Variants in BMERB1 observed in about 807,000 individuals in gnomAD.
BMERB1 encodes the protein bMERB domain containing 1.
BMERB1 carries 12 observed loss-of-function variants against 23.6 expected under a neutral mutation model. The ratio of observed to expected loss-of-function variants is 0.51; its 90% CI spans 0.33 to 0.82. The LOEUF is 0.82. BMERB1 is among the 40% of genes least tolerant of loss of function. BMERB1 has a pLI of 0.03. For missense variants in BMERB1, 247 were observed against 255.4 expected, an observed-to-expected ratio of 0.97 and a Z score of 0.22; for synonymous variants, 122 against 96.6, an observed-to-expected ratio of 1.26 and a Z score of -1.54.
At chr16:15,535,548 G>T (rs990044457) in intron 2 of BMERB1, among the ~76,000 whole-genome samples, 3 of 151,492 alleles carry the variant, frequency 2.0e-5, no homozygotes, top group Admixed American at 1.3e-4. Flanking sequence ...TGCTCAGGAG[G>T]CTGAGGCAGG....
intron 1 of BMERB1, among the ~76,000 whole-genome samples, chr16:15,483,990 C>T (rs1310799326): frequency 6.6e-6 from 1 of 151,984 alleles, no homozygotes; most frequent in African/African-American, 2.4e-5. Context: ...GGTGAGGGGC[C>T]CAAGAATCTT....
chr16:15,477,444 A>G (rs2150933960), intron 1 of BMERB1, among the ~76,000 whole-genome samples: 1 of 152,242 alleles, frequency 6.6e-6, no homozygotes, highest in South Asian at 2.1e-4. Flanking sequence ...CATATCAGCA[A>G]CATAGTGAGA....
intron 2 of BMERB1, among the ~76,000 whole-genome samples, chr16:15,561,707 A>G (rs2030427014): frequency 6.6e-6 from 1 of 152,182 alleles, no homozygotes. Context: ...ATCTTGGCCA[A>G]CATGGCAAGA....
chr16:15,480,305 G>A (rs2051308798), intron 1 of BMERB1, among the ~76,000 whole-genome samples: 1 of 151,618 alleles, frequency 6.6e-6, no homozygotes, highest in Non-Finnish European at 1.5e-5. Flanking sequence ...TAGTAGAGAC[G>A]GGGATTCACC....
chr16:15,466,786 T>C (rs772717128), intron 1 of BMERB1, among the ~76,000 whole-genome samples: 81 of 152,118 alleles, frequency 5.3e-4, no homozygotes, highest in Non-Finnish European at 2.1e-4. Context: ...TGTGTGACTA[T>C]CAACAAAGTC....
intron 2 of BMERB1, among the ~76,000 whole-genome samples, chr16:15,534,423 A>G (rs1025933376): frequency 6.6e-6 from 1 of 151,930 alleles, no homozygotes; most frequent in Non-Finnish European, 1.5e-5. Flanking sequence ...GTGTGGAGGT[A>G]CATGCCTGTA....
intron 3 of BMERB1, among the ~76,000 whole-genome samples, chr16:15,573,860 G>A (rs1001196358): frequency 6.7e-6 from 1 of 148,408 alleles, no homozygotes; most frequent in South Asian, 2.1e-4. Flanking sequence ...CATGGTGGAA[G>A]GTCAAGGAGA....
chr16:15,493,610 A>T (rs1156998844), intron 1 of BMERB1, among the ~76,000 whole-genome samples: 1 of 151,260 alleles, frequency 6.6e-6, no homozygotes, highest in Non-Finnish European at 1.5e-5. Flanking sequence ...CCATGATCTG[A>T]CTCTCCCTCT....
intron 1 of BMERB1, among the ~76,000 whole-genome samples, chr16:15,485,590 A>G (rs1326102264): frequency 6.6e-6 from 1 of 152,088 alleles, no homozygotes; most frequent in Admixed American, 6.6e-5. Context: ...CATTCTGGTC[A>G]TTTCAGTAAT....
At chr16:15,568,725 A>G (rs1022036038) in intron 3 of BMERB1, among the ~76,000 whole-genome samples, 1 of 152,210 alleles carries the variant, frequency 6.6e-6, no homozygotes, top group Non-Finnish European at 1.5e-5. Context: ...TTTGGCCTCA[A>G]GAGTCCAGTA....
chr16:15,511,424 C>T (rs1164585629), intron 1 of BMERB1, among the ~76,000 whole-genome samples: 1 of 152,158 alleles, frequency 6.6e-6, no homozygotes, highest in Non-Finnish European at 1.5e-5. Context: ...TCTCCAATTT[C>T]ATGTTTTTCC....
At chr16:15,531,475 A>G (rs1373998283) in intron 2 of BMERB1, among the ~76,000 whole-genome samples, 1 of 152,174 alleles carries the variant, frequency 6.6e-6, no homozygotes, top group Non-Finnish European at 1.5e-5. Flanking sequence ...TCTTCAGTCT[A>G]CCATATTGAG....
chr16:15,444,738 G>A (rs1366758852), intron 1 of BMERB1, among the ~76,000 whole-genome samples: 2 of 152,144 alleles, frequency 1.3e-5, no homozygotes, highest in Non-Finnish European at 2.9e-5. Context: ...TATAAGTGTG[G>A]GCTTTCGAGA....
chr16:15,494,790 A>C (rs1274315183), intron 1 of BMERB1, among the ~76,000 whole-genome samples: 2 of 151,296 alleles, frequency 1.3e-5, no homozygotes, highest in Admixed American at 1.3e-4. Flanking sequence ...ACCTCTCCTT[A>C]TTCCAGAAAG....
At chr16:15,583,133 C>A (rs375156002) in intron 4 of BMERB1, 23 bp from the exon 5 acceptor site, 42 of 1,564,256 alleles carry the variant, frequency 2.7e-5, no homozygotes, top group Non-Finnish European at 3.3e-5. Flanking sequence ...ATCTTCTTTT[C>A]TTTTACCCAT....
chr16:15,582,007 T>A (rs761196421), intron 4 of BMERB1, among the ~76,000 whole-genome samples: 9 of 152,252 alleles, frequency 5.9e-5, no homozygotes, highest in Non-Finnish European at 1.2e-4. Flanking sequence ...GAGACCTTTC[T>A]TCAAGGGTCC....
intron 1 of BMERB1, among the ~76,000 whole-genome samples, chr16:15,474,093 C>G (rs1162534790): frequency 4.7e-5 from 7 of 148,334 alleles, no homozygotes; most frequent in African/African-American, 1.5e-4. Context: ...GCACTCCAGC[C>G]TCGGTGACAG....
At chr16:15,437,419 A>G (rs765435829) in intron 1 of BMERB1, among the ~76,000 whole-genome samples, 9 of 152,222 alleles carry the variant, frequency 5.9e-5, no homozygotes, top group Non-Finnish European at 8.8e-5. Context: ...TAAGTGCTCA[A>G]TACGTATTGT....
intron 1 of BMERB1, among the ~76,000 whole-genome samples, chr16:15,509,473 C>A (rs1182206273): frequency 6.6e-6 from 1 of 152,136 alleles, no homozygotes; most frequent in Non-Finnish European, 1.5e-5. Context: ...TGAGATAATA[C>A]ACAGAAAGCC....
Sources: gnomAD v4.1 joint callset for allele counts (sites outside exome capture counted in the v4.1 genomes callset) on GRCh38, gnomAD v4.1.1 for gene constraint, MANE v1.5 for transcripts, NCBI Gene and HGNC (gene_info 2026-07-23, HGNC 2026-07-21) for gene names.